The following TAX1BP1 variants were observed in gnomAD, a reference collection of about 807,000 sequenced individuals.
TAX1BP1 encodes the protein Tax1 binding protein 1.
TAX1BP1 carries 62 observed loss-of-function variants against 97.7 expected under a neutral mutation model. The observed-to-expected ratio is 0.63, with a 90% CI of 0.52 to 0.78. The LOEUF (loss-of-function observed/expected upper bound fraction) is 0.78. TAX1BP1 is among the 30% of genes least tolerant of loss of function. TAX1BP1 has a pLI of 0.00. For missense variants in TAX1BP1, 867 were observed against 916.1 expected, an observed-to-expected ratio of 0.95 and a Z score of 0.69; for synonymous variants, 340 against 304.2, an observed-to-expected ratio of 1.12 and a Z score of -1.23.
intron 1 of TAX1BP1, among the ~76,000 whole-genome samples, chr7:27,748,104 G>A (rs896747093): frequency 1.4e-4 from 21 of 152,144 alleles, no homozygotes; most frequent in African/African-American, 5.1e-4. Context: ...CCCATAGCCA[G>A]TAAAATACTG....
chr7:27,823,806 C>A (rs1030480031), intron 15 of TAX1BP1, among the ~76,000 whole-genome samples: 1 of 152,126 alleles, frequency 6.6e-6, no homozygotes, highest in African/African-American at 2.4e-5. Flanking sequence ...TGAAAACCAC[C>A]AGTAATTTGA....
Position 27,828,438 on chromosome 7 carries a change from A to G in TAX1BP1, c.2169-190A>G, listed in dbSNP as rs138510944. ...TTGTAAAATTGAATTTAGAGGCTCT[A>G]TAAATGGGTTACACAATTGTCTACA... On this transcript the variant is annotated intron_variant, in intron 16 of 16. Coordinates refer to ENST00000396319, the MANE Select transcript of TAX1BP1 (RefSeq NM_006024.7). Among the ~76,000 whole-genome samples, 377 of 152,342 alleles carry G rather than the reference A, an allele frequency of 2.5e-3. 2 individuals are homozygous for G. Among genetic ancestry groups the G allele is most frequent in the Non-Finnish European group, 4.2e-3 (287 of 68,030 alleles).
At chr7:27,796,244 AAG>A (rs1226593019) in intron 12 of TAX1BP1, 25 bp downstream of exon 12, 7 of 1,483,894 alleles carry the variant, frequency 4.7e-6, no homozygotes, top group Non-Finnish European at 6.4e-6. Context: ...TTGTAAGTGA[AAG>A]AGATTTATAA....
chr7:27,810,265 T>TC (rs1426730161), intron 13 of TAX1BP1, among the ~76,000 whole-genome samples: 1 of 152,102 alleles, frequency 6.6e-6, no homozygotes, highest in East Asian at 1.9e-4. Context: ...TTCTTTTTTT[T>TC]CTGTAGTCAC....
chr7:27,750,167 G>A (rs1159915558), intron 2 of TAX1BP1, among the ~76,000 whole-genome samples: 1 of 152,136 alleles, frequency 6.6e-6, no homozygotes, highest in Non-Finnish European at 1.5e-5. Context: ...GTTTTCTGTA[G>A]TAACAGAGCA....
rs549441144 is a variant in TAX1BP1, at chr7:27,750,151, A to G, written c.162+1465A>G. 1.4e-3 allele frequency among the ~76,000 whole-genome samples: 206 copies of G among 152,268 alleles called. 1 individual carries two copies. The highest frequency in any genetic ancestry group is 4.5e-3 in the African/African-American group (185 of 41,546). On this transcript the variant is annotated intron_variant, in intron 2 of 16. Coordinates refer to ENST00000396319, the MANE Select transcript of TAX1BP1 (RefSeq NM_006024.7). ...ATCAAGTTAAAGATACTGATTGAGA[A>G]CTGATGTTTTCTGTAGTAACAGAGC... is the stretch of plus-strand genomic sequence containing the variant.
At position 27,780,568 on chromosome 7, in the gene TAX1BP1, A is replaced by G. The variant is rs73295581; in HGVS notation, c.613-4595A>G. ...GCATTAGGTACCTGGTTTTGGACAGAGGCAGTTTAAGGCATTTAGTATCTA... is the reference window on the plus strand; with the variant it reads ...GCATTAGGTACCTGGTTTTGGACAGGGGCAGTTTAAGGCATTTAGTATCTA... On this transcript the variant is annotated intron_variant, in intron 5 of 16. Transcript: ENST00000396319. 4.0e-3 allele frequency among the ~76,000 whole-genome samples: 602 copies of G among 152,298 alleles called. 6 individuals are homozygous for G. The highest frequency in any genetic ancestry group is 0.014 in the African/African-American group (588 of 41,546).
At chr7:27,780,496 A>G (rs553000149) in intron 5 of TAX1BP1, among the ~76,000 whole-genome samples, 161 of 152,340 alleles carry the variant, frequency 1.1e-3, no homozygotes, top group African/African-American at 3.7e-3. Flanking sequence ...AAAGCACATA[A>G]CATTTCCTAC....
chr7:27,829,706 C>T lies in TAX1BP1; in HGVS notation c.*877C>T, dbSNP rs1347676621. ...AAGTAATGTGTTTCTTCAGTTATGT[C>T]TGTGCTGTATAGAACTGTCACTAAC... On this transcript the variant is annotated 3_prime_UTR_variant, in exon 17 of 17. Coordinates refer to ENST00000396319, the MANE Select transcript of TAX1BP1 (RefSeq NM_006024.7). 6.6e-6 allele frequency: 1 copy of T among 152,150 alleles called. No homozygotes were observed. Among genetic ancestry groups the T allele is most frequent in the Non-Finnish European group, 1.5e-5 (1 of 68,024 alleles). The allele number at this position is 152,150 out of a possible 1,614,324, so 9.4% of individuals were successfully genotyped here. A position where few individuals can be genotyped will look rare whatever the true frequency, so the allele number is the denominator to read the frequency against.
chr7:27,798,577 T>C (rs1426263451), intron 12 of TAX1BP1, among the ~76,000 whole-genome samples: 5 of 150,094 alleles, frequency 3.3e-5, no homozygotes, highest in Non-Finnish European at 7.4e-5. Context: ...GGCAGGAGAA[T>C]CGCTTGAACC....
intron 9 of TAX1BP1, among the ~76,000 whole-genome samples, chr7:27,792,744 T>A (rs1789766524): frequency 6.6e-6 from 1 of 151,986 alleles, no homozygotes; most frequent in African/African-American, 2.4e-5. Context: ...GGAAGATCGC[T>A]TGATCCCAGG....
chr7:27,807,262 T>C (rs1790375304), intron 13 of TAX1BP1, among the ~76,000 whole-genome samples: 1 of 152,164 alleles, frequency 6.6e-6, no homozygotes, highest in Admixed American at 6.5e-5. Context: ...TTAACAGATT[T>C]AGGAAGTTTA....
chr7:27,792,983 A>G (rs551037216), intron 9 of TAX1BP1, 83 bp from the exon 10 acceptor site: 5 of 1,286,312 alleles, frequency 3.9e-6, no homozygotes, highest in African/African-American at 1.6e-5. Context: ...AAAGAAAAAA[A>G]GTAAGATTGA....
At chr7:27,759,855 CTT>C (rs777663697) in intron 3 of TAX1BP1, among the ~76,000 whole-genome samples, 26 of 139,084 alleles carry the variant, frequency 1.9e-4, no homozygotes, top group Admixed American at 1.4e-4. Context: ...TTTTGTAAAT[CTT>C]TTTTTTTTTT....
chr7:27,817,156 AGAGT>A (rs556796386), intron 15 of TAX1BP1, 118 bp downstream of exon 15: 3 of 1,255,852 alleles, frequency 2.4e-6, no homozygotes, highest in East Asian at 5.0e-5. Context: ...GTGTGGAAGG[AGAGT>A]GTGTGCTTGT....
At chr7:27,825,375 A>G (rs1168100518) in intron 15 of TAX1BP1, among the ~76,000 whole-genome samples, 7 of 152,080 alleles carry the variant, frequency 4.6e-5, no homozygotes, top group Non-Finnish European at 1.0e-4. Context: ...TCGAGTGAAG[A>G]TTTCACTCAT....
At chr7:27,786,125 GT>G in intron 7 of TAX1BP1, among the ~76,000 whole-genome samples, 1 of 150,460 alleles carries the variant, frequency 6.6e-6, no homozygotes, top group South Asian at 2.1e-4. Flanking sequence ...ACCGCTTGAA[GT>G]TTTGAATTTT....
chr7:27,798,749 G>C (rs994534365), intron 12 of TAX1BP1, among the ~76,000 whole-genome samples: 1 of 151,074 alleles, frequency 6.6e-6, no homozygotes, highest in Non-Finnish European at 1.5e-5. Flanking sequence ...GGTGTGTACT[G>C]ATAGCTCATT....
chr7:27,814,009 C>A (rs926235954), intron 13 of TAX1BP1, among the ~76,000 whole-genome samples: 1 of 151,604 alleles, frequency 6.6e-6, no homozygotes, highest in Non-Finnish European at 1.5e-5. Flanking sequence ...GGACTTACAG[C>A]AGGTTGAAAG....
Sources: allele counts gnomAD v4.1 joint callset (sites outside exome capture counted in the v4.1 genomes callset), GRCh38; gene constraint gnomAD v4.1.1; transcripts MANE v1.5; gene names NCBI Gene and HGNC (gene_info 2026-07-23, HGNC 2026-07-21).